Variants in B4GALT6 observed in about 807,000 individuals in gnomAD.
The protein encoded by B4GALT6 is beta-1,4-galactosyltransferase 6, also known as UDP-Gal:beta-GlcNAc beta-1,4-galactosyltransferase 6.
Under a neutral mutation model 46.3 loss-of-function variants are expected in B4GALT6, and 14 were observed. The ratio of observed to expected loss-of-function variants is 0.30; its 90% confidence interval spans 0.20 to 0.47. The LOEUF (loss-of-function observed/expected upper bound fraction) is 0.47. B4GALT6 is among the 20% of genes least tolerant of loss of function. The probability of loss-of-function intolerance (pLI) is 0.99; values close to 1 mark genes in which losing one functional copy is unlikely to be tolerated. For synonymous variants in B4GALT6, 168 were observed against 162.0 expected (o/e 1.04, Z -0.28); for missense variants, 386 against 480.1 (o/e 0.80, Z 1.83).
At chr18:31,651,280 G>A (rs1055457639) in intron 3 of B4GALT6, among the ~76,000 whole-genome samples, 8 of 152,096 alleles carry the variant, frequency 5.3e-5, no homozygotes, top group Admixed American at 2.6e-4. Flanking sequence ...AAGAAAGCAC[G>A]TAAGCATATA....
intron 3 of B4GALT6, among the ~76,000 whole-genome samples, chr18:31,647,298 T>C (rs1415296294): frequency 6.6e-6 from 1 of 152,208 alleles, no homozygotes; most frequent in African/African-American, 2.4e-5. Context: ...TAATCATCAT[T>C]ATTGTCAGCA....
the B4GALT6 span, among the ~76,000 whole-genome samples, chr18:31,709,485 T>G: frequency 2.7e-5 from 4 of 149,388 alleles, no homozygotes; most frequent in African/African-American, 1.0e-4. Context: ...ACTCTGTGTT[T>G]CAGAATAACA....
chr18:31,663,541 C>G (rs1282103441), intron 2 of B4GALT6, among the ~76,000 whole-genome samples: 3 of 152,152 alleles, frequency 2.0e-5, no homozygotes, highest in Non-Finnish European at 2.9e-5. Context: ...CACAGAAAGT[C>G]AGGTATAGGA....
intron 2 of B4GALT6, among the ~76,000 whole-genome samples, chr18:31,661,546 T>TCACACA (rs34896376): frequency 1.3e-5 from 2 of 151,132 alleles, no homozygotes; most frequent in African/African-American, 4.9e-5. Flanking sequence ...TCGCTCTCTC[T>TCACACA]CACACACACA....
At chr18:31,630,833 A>C in intron 6 of B4GALT6, 126 bp downstream of exon 6, 1 of 1,016,762 alleles carries the variant, frequency 9.8e-7, no homozygotes, top group Non-Finnish European at 1.5e-6. Context: ...GACACGATGG[A>C]GTTAAAGATG....
At chr18:31,639,505 T>A (rs898656438) in intron 4 of B4GALT6, among the ~76,000 whole-genome samples, 1 of 152,158 alleles carries the variant, frequency 6.6e-6, no homozygotes, top group Non-Finnish European at 1.5e-5. Flanking sequence ...CACATGAAGT[T>A]TGATAATTAA....
chr18:31,711,077 T>C, the B4GALT6 span, among the ~76,000 whole-genome samples: 1 of 152,148 alleles, frequency 6.6e-6, no homozygotes, highest in Non-Finnish European at 1.5e-5. Context: ...CACCCTGCCA[T>C]GAGGCTGCAA....
At chr18:31,685,458 G>T (rs1287711086), upstream of B4GALT6, among the ~76,000 whole-genome samples, 1 of 151,326 alleles carries the variant, frequency 6.6e-6, no homozygotes, top group Non-Finnish European at 1.5e-5. Context: ...TCGCGCGCTC[G>T]CTCGGAACTC....
At chr18:31,631,469 ACT>A (rs2073790770) in intron 5 of B4GALT6, among the ~76,000 whole-genome samples, 1 of 152,128 alleles carries the variant, frequency 6.6e-6, no homozygotes, top group Non-Finnish European at 1.5e-5. Flanking sequence ...TTTCAAATAC[ACT>A]GTTTAAATTT....
At chr18:31,698,440 G>A in the B4GALT6 span, among the ~76,000 whole-genome samples, 1 of 152,136 alleles carries the variant, frequency 6.6e-6, no homozygotes, top group South Asian at 2.1e-4. Context: ...GACCAGCCTG[G>A]ACAGCATAGT....
intron 2 of B4GALT6, among the ~76,000 whole-genome samples, chr18:31,661,740 C>T (rs1218233440): frequency 6.6e-6 from 1 of 152,048 alleles, no homozygotes; most frequent in Non-Finnish European, 1.5e-5. Context: ...TATGATATAA[C>T]AATATTTTAA....
chr18:31,714,707 A>G, the B4GALT6 span, among the ~76,000 whole-genome samples: 1 of 152,218 alleles, frequency 6.6e-6, no homozygotes, highest in African/African-American at 2.4e-5. Context: ...GTTGATATTT[A>G]CAATGTAGAA....
chr18:31,644,242 A>G (rs1284199514), intron 4 of B4GALT6, among the ~76,000 whole-genome samples: 1 of 152,260 alleles, frequency 6.6e-6, no homozygotes, highest in Non-Finnish European at 1.5e-5. Context: ...ACAAGGCCAA[A>G]AAGGCTTTTA....
chr18:31,691,733 T>A, the B4GALT6 span, among the ~76,000 whole-genome samples: 1 of 152,270 alleles, frequency 6.6e-6, no homozygotes, highest in East Asian at 1.9e-4. Context: ...AATTAAGATA[T>A]AGGATTCAGG....
intron 2 of B4GALT6, among the ~76,000 whole-genome samples, chr18:31,659,949 CTTTTT>C (rs35690268): frequency 8.1e-6 from 1 of 122,718 alleles, no homozygotes. Flanking sequence ...GATTCTTTTC[CTTTTT>C]TTTTTTTTTT....
intron 2 of B4GALT6, among the ~76,000 whole-genome samples, chr18:31,665,636 G>C (rs904209625): frequency 1.5e-4 from 23 of 152,282 alleles, no homozygotes; most frequent in African/African-American, 4.8e-4. Flanking sequence ...CAGCTACTTG[G>C]GAGACTGAGG....
chr18:31,683,662 T>G (rs1170138853), intron 1 of B4GALT6, among the ~76,000 whole-genome samples: 3 of 152,188 alleles, frequency 2.0e-5, no homozygotes, highest in Non-Finnish European at 4.4e-5. Flanking sequence ...ATAACGGTTA[T>G]TTTAATCACT....
At chr18:31,679,030 C>T (rs561949339) in intron 1 of B4GALT6, among the ~76,000 whole-genome samples, 7 of 152,192 alleles carry the variant, frequency 4.6e-5, no homozygotes, top group Non-Finnish European at 8.8e-5. Flanking sequence ...CCAAATTACA[C>T]GTAGTGTTTG....
rs2073679929 is a variant in B4GALT6 at position 31,625,456 on chromosome 18, G to GTGAC, written c.*154_*157dup. 4 of 700,702 alleles carry GTGAC rather than the reference G, an allele frequency of 5.7e-6. No individual in the cohort carries two copies. In the Admixed American group the frequency reaches 1.4e-4, roughly 25 times the overall value. The allele number at this position is 700,702 out of a possible 1,614,324, so 43.4% of individuals were successfully genotyped here. A position where few individuals can be genotyped will look rare whatever the true frequency, so the allele number is the denominator to read the frequency against. On this transcript the variant is annotated 3_prime_UTR_variant, in exon 9 of 9. Transcript: ENST00000306851. ...AGCAGGGAGGACGGGTGAGAGAAGG[G>GTGAC]TGACTGTATATAGTCCCACTCTGTA...
Sources: allele counts gnomAD v4.1 joint callset (sites outside exome capture counted in the v4.1 genomes callset), GRCh38; gene constraint gnomAD v4.1.1; transcripts MANE v1.5; gene names NCBI Gene and HGNC (gene_info 2026-07-23, HGNC 2026-07-21).